The following ARPP21 variants were observed in gnomAD, a reference collection of about 807,000 sequenced individuals.
The protein encoded by ARPP21 is cAMP-regulated phosphoprotein 21.
Under a neutral mutation model 113.2 loss-of-function variants are expected in ARPP21, and 69 were observed. The ratio of observed to expected loss-of-function variants is 0.61; its 90% CI spans 0.50 to 0.74. The LOEUF is 0.74. Ranked by LOEUF, ARPP21 falls within the 30% of genes least tolerant of loss-of-function variation. The pLI is 0.00. For synonymous variants in ARPP21, 368 were observed against 375.5 expected (o/e 0.98, Z 0.23); for missense variants, 1,070 against 1,037.4 (o/e 1.03, Z -0.43).
At chr3:35,659,979 A>G (rs1706934602) in intron 1 of ARPP21, among the ~76,000 whole-genome samples, 1 of 152,172 alleles carries the variant, frequency 6.6e-6, no homozygotes, top group African/African-American at 2.4e-5. Flanking sequence ...GACAAGAGTC[A>G]CAGGTGTGCA....
chr3:35,762,145 C>T (rs1269069911), intron 19 of ARPP21, among the ~76,000 whole-genome samples: 2 of 151,718 alleles, frequency 1.3e-5, no homozygotes, highest in East Asian at 1.9e-4. Context: ...CACACACACA[C>T]ACACACACAC....
chr3:35,653,651 C>T (rs888900122), intron 1 of ARPP21, among the ~76,000 whole-genome samples: 9 of 151,990 alleles, frequency 5.9e-5, no homozygotes, highest in African/African-American at 2.2e-4. Flanking sequence ...TCCATCTCTG[C>T]CTCTTACTCA....
At chr3:35,641,027 A>T (rs959043850) in intron 1 of ARPP21, 1 of 152,160 alleles carries the variant, frequency 6.6e-6, no homozygotes, top group Non-Finnish European at 1.5e-5. Flanking sequence ...CAGGTTTGCT[A>T]CCTGATCACC....
chr3:35,666,627 G>A (rs1174411623), intron 1 of ARPP21, among the ~76,000 whole-genome samples: 1 of 151,024 alleles, frequency 6.6e-6, no homozygotes, highest in Non-Finnish European at 1.5e-5. Flanking sequence ...TCCTTTTATT[G>A]CACATTTTAT....
At chr3:35,780,084 T>C (rs2096486647) in intron 19 of ARPP21, among the ~76,000 whole-genome samples, 1 of 152,222 alleles carries the variant, frequency 6.6e-6, no homozygotes, top group Non-Finnish European at 1.5e-5. Context: ...GGCTTTGGAC[T>C]CTGTGTTCTG....
chr3:35,752,317 A>G (rs568120701), intron 19 of ARPP21, among the ~76,000 whole-genome samples: 34 of 152,024 alleles, frequency 2.2e-4, no homozygotes, highest in Non-Finnish European at 4.1e-4. Context: ...CCTGTATTCT[A>G]CATCTGAGGA....
chr3:35,722,755 A>T (rs1200395516), intron 14 of ARPP21, among the ~76,000 whole-genome samples: 1 of 152,198 alleles, frequency 6.6e-6, no homozygotes, highest in Non-Finnish European at 1.5e-5. Context: ...AAACTGATGG[A>T]AGCATACACC....
At chr3:35,726,179 T>C (rs1428784319) in intron 14 of ARPP21, among the ~76,000 whole-genome samples, 1 of 152,256 alleles carries the variant, frequency 6.6e-6, no homozygotes, top group African/African-American at 2.4e-5. Flanking sequence ...ATTAAACCTC[T>C]GAAGAAAGGG....
intron 1 of ARPP21, among the ~76,000 whole-genome samples, chr3:35,665,774 C>A (rs1250706476): frequency 6.6e-6 from 1 of 152,154 alleles, no homozygotes; most frequent in African/African-American, 2.4e-5. Context: ...ATACAACTTC[C>A]CCCTGGAGTC....
At position 35,744,358 on chromosome 3, in the gene ARPP21, A is replaced by G. The variant is rs1210476338; in HGVS notation, c.2137+393A>G. 3 of 397,008 alleles carry G rather than the reference A, an allele frequency of 7.6e-6. No homozygotes were observed. The Admixed American group carries it at 1.2e-4, about 16-fold the overall frequency. 24.6% of individuals were successfully genotyped at this position (397,008 alleles called of 1,614,324 possible). On this transcript the variant is annotated intron_variant, in intron 19 of 20. Transcript: ENST00000684406. Reference sequence around the variant, plus strand: ...AATTAGGTTGTTTCAATATCGTGCTAAAAGATACTGCCTTTAGAAGAAGGC... The same window carrying G: ...AATTAGGTTGTTTCAATATCGTGCTGAAAGATACTGCCTTTAGAAGAAGGC...
At chr3:35,682,735 A>G (rs987172420) in intron 3 of ARPP21, 113 bp from the exon 4 acceptor site, 5 of 885,246 alleles carry the variant, frequency 5.6e-6, no homozygotes, top group Non-Finnish European at 6.7e-6. Flanking sequence ...TCTCTACTGT[A>G]GCCGGTAGTG....
At chr3:35,660,474 C>T (rs539425068) in intron 1 of ARPP21, among the ~76,000 whole-genome samples, 13 of 152,238 alleles carry the variant, frequency 8.5e-5, no homozygotes, top group South Asian at 8.3e-4. Flanking sequence ...CACTTTTTGC[C>T]CCTTCAAACT....
At chr3:35,684,243 T>C in intron 5 of ARPP21, 1 of 1,260,544 alleles carries the variant, frequency 7.9e-7, no homozygotes, top group South Asian at 2.6e-5. Context: ...CTGGTTCATA[T>C]GAAACTTAGG....
At chr3:35,709,763 G>A (rs557553044) in intron 11 of ARPP21, among the ~76,000 whole-genome samples, 53 of 152,304 alleles carry the variant, frequency 3.5e-4, no homozygotes, top group African/African-American at 1.1e-3. Flanking sequence ...CTGCCATAGC[G>A]TTTTCATTCC....
intron 15 of ARPP21, among the ~76,000 whole-genome samples, chr3:35,731,693 C>CTTTTTTTTTTTTTTTTTTTTTTTTTTTT: frequency 6.6e-6 from 1 of 151,930 alleles, no homozygotes; most frequent in Admixed American, 6.6e-5. Context: ...TATCAAATTT[C>CTTTTTTTTTTTTTTTTTTTTTTTTTTTT]TTATATGACT....
At chr3:35,729,615 C>A in intron 15 of ARPP21, 79 bp downstream of exon 15, 1 of 1,286,010 alleles carries the variant, frequency 7.8e-7, no homozygotes, top group Admixed American at 1.9e-5. Flanking sequence ...AATTTGCTAG[C>A]AAGTATTCTG....
chr3:35,750,208 A>G (rs1200129883), intron 19 of ARPP21, among the ~76,000 whole-genome samples: 1 of 145,804 alleles, frequency 6.9e-6, no homozygotes, highest in Non-Finnish European at 1.5e-5. Context: ...ATTTAATGCT[A>G]TAAATTTCCC....
At position 35,760,118 on chromosome 3, in the gene ARPP21, C is replaced by G. The variant is rs187191549; in HGVS notation, c.2137+16153C>G. ...ATCTTAAAACCCTAAAAATGACATGCCAGGGTTTATTCAAGAGGCTGTAAA... is the reference window on the plus strand; with the variant it reads ...ATCTTAAAACCCTAAAAATGACATGGCAGGGTTTATTCAAGAGGCTGTAAA... On this transcript the variant is annotated intron_variant, in intron 19 of 20. Transcript: ENST00000684406. Among the ~76,000 whole-genome samples the G allele has an allele frequency of 1.4e-4, 21 of 152,152 alleles. No individual in the cohort carries two copies. In the South Asian group the frequency reaches 3.5e-3, roughly 26 times the overall value.
chr3:35,726,143 C>T (rs1295588618), intron 14 of ARPP21, among the ~76,000 whole-genome samples: 1 of 152,200 alleles, frequency 6.6e-6, no homozygotes, highest in Non-Finnish European at 1.5e-5. Flanking sequence ...CATATGCATA[C>T]TGTATAAATA....
Sources: gnomAD v4.1 joint callset for allele counts (sites outside exome capture counted in the v4.1 genomes callset) on GRCh38, gnomAD v4.1.1 for gene constraint, MANE v1.5 for transcripts, NCBI Gene and HGNC (gene_info 2026-07-23, HGNC 2026-07-21) for gene names.